Variants in SLC7A4 observed in about 807,000 individuals in gnomAD.
SLC7A4 encodes the protein cationic amino acid transporter 4.
A neutral mutation model predicts 37.8 loss-of-function variants in SLC7A4; 30 were observed. The observed-to-expected ratio is 0.79, with a 90% CI of 0.59 to 1.08. The LOEUF is 1.08. Ranked by LOEUF, SLC7A4 falls within the 50% of genes least tolerant of loss-of-function variation. The probability of loss-of-function intolerance (pLI) is 0.00; values close to 1 mark genes in which losing one functional copy is unlikely to be tolerated. For missense variants in SLC7A4, 839 were observed against 843.2 expected (o/e 1.00, Z 0.06); for synonymous variants, 359 against 376.5 (o/e 0.95, Z 0.54).
rs1412119507 is a variant in SLC7A4 at position 21,029,902 on chromosome 22, C to T, written c.1432G>A (p.Val478Met). ...AACATAACGCCAAGCGCCCAAGTCACCACTGCTCCAGGGCTGTACCCATCC... is the reference window on the plus strand; with the variant it reads ...AACATAACGCCAAGCGCCCAAGTCATCACTGCTCCAGGGCTGTACCCATCC... Reference protein sequence around the residue: ...FLDGYSPGAVVTWALGVMLAS... With the variant: ...FLDGYSPGAVMTWALGVMLAS... Residue 478 changes from valine (V) to methionine (M), a missense_variant, in exon 3 of 5, where the codon GTG becomes ATG. By Grantham distance (21) the Val-to-Met change is conservative (BLOSUM62 1). Coordinates refer to ENST00000382932, the MANE Select transcript of SLC7A4 (RefSeq NM_004173.3). The T allele has an allele frequency of 1.2e-6, 2 of 1,613,810 alleles. No homozygotes were observed. The highest frequency in any genetic ancestry group is 1.7e-5 in the Admixed American group (1 of 60,008).
chr22:21,029,414 T>C lies in SLC7A4; in HGVS notation c.1654A>G (p.Ser552Gly), dbSNP rs766755026. 1.2e-6 allele frequency: 2 copies of C among 1,613,528 alleles called. No individual in the cohort carries two copies. Among genetic ancestry groups the C allele is most frequent in the Admixed American group, 1.7e-5 (1 of 60,026 alleles). The change falls in exon 4 of 5, where the codon AGC becomes GGC. Residue 552 changes from serine (S) to glycine (G), a missense_variant. Ser to Gly is a moderately conservative substitution (Grantham distance 56). Transcript: ENST00000382932. ...IPMVPLIPAL[S>G]IVLNICLMLK... The stretch of plus-strand genomic sequence containing the variant: ...ATGAGGCAGATGTTGAGGACGATGC[T>C]CAGGGCTGGAATCAGGGGAACCATG...
intron 2 of SLC7A4, 109 bp from the exon 3 acceptor site, chr22:21,030,460 C>T (rs1928849494): frequency 8.8e-7 from 1 of 1,132,026 alleles, no homozygotes; most frequent in South Asian, 1.6e-5. Flanking sequence ...ATGAGCTTGT[C>T]TGGGCTCTCA....
rs370519763 is a variant in SLC7A4 at position 21,031,012 on chromosome 22, A to T, written c.801T>A (p.Ser267=). 102 of 1,614,140 alleles carry T rather than the reference A, an allele frequency of 6.3e-5. No individual in the cohort carries two copies. The highest frequency in any genetic ancestry group is 8.1e-5 in the Non-Finnish European group (95 of 1,180,002). The change falls in exon 2 of 5, where the codon TCT becomes TCA. Residue 267 remains serine (S), a synonymous_variant. Coordinates refer to ENST00000382932, the MANE Select transcript of SLC7A4 (RefSeq NM_004173.3). ...GCGAGATGGCGATGGCCAGAGGCAC[A>T]GACCGCCGTGGGTTCTGGGCCTCCT... ...SSEEAQNPRR[S]VPLAIAISLA... is the part of the protein sequence containing the mutation.
chr22:21,031,521 GTGGC>G lies in SLC7A4; in HGVS notation c.288_291del (p.Pro97AlafsTer193). 1.9e-6 allele frequency: 3 copies of G among 1,610,446 alleles called. No individual in the cohort carries two copies. Among genetic ancestry groups the G allele is most frequent in the Non-Finnish European group, 2.5e-6 (3 of 1,179,002 alleles). ...GTGAACAGGTAGGCAGAGCCCGTGC[GTGGC>G]ACACGTGCCCCAAATTCTGCATAGC... On this transcript the variant is annotated frameshift_variant, in exon 2 of 5. Coordinates refer to ENST00000382932, the MANE Select transcript of SLC7A4 (RefSeq NM_004173.3). LOFTEE classifies it high-confidence loss of function.
At position 21,029,221 on chromosome 22, in the gene SLC7A4, A is replaced by G. The variant is rs770185849; in HGVS notation, c.1742T>C (p.Val581Ala). 6.2e-7 allele frequency: 1 copy of G among 1,613,754 alleles called. No homozygotes were observed. Among genetic ancestry groups the G allele is most frequent in the African/African-American group, 1.3e-5 (1 of 75,050 alleles). The stretch of plus-strand genomic sequence containing the variant: ...ATGCCGGATGCCATAGCCGAAATAC[A>G]CTGCAAGTCCTAGACAGGGCAGGAG... ...FSIWLLMGLA[V>A]YFGYGIRHSK... The change falls in exon 5 of 5, where the codon GTG becomes GCG. Residue 581 changes from valine (V) to alanine (A), a missense_variant. Transcript: ENST00000382932.
chr22:21,030,419 G>A (rs1481320751), intron 2 of SLC7A4, 68 bp from the exon 3 acceptor site: 11 of 1,479,988 alleles, frequency 7.4e-6, no homozygotes, highest in Middle Eastern at 2.5e-4. Context: ...GCTGGGGGTC[G>A]GTGCATGGGT....
chr22:21,029,235 A>G lies in SLC7A4; in HGVS notation c.1733-5T>C. 1 of 1,613,654 alleles carries G rather than the reference A, an allele frequency of 6.2e-7. No homozygotes were observed. The highest frequency in any genetic ancestry group is 1.6e-4 in the Middle Eastern group (1 of 6,062). On this transcript the variant is annotated splice_polypyrimidine_tract_variant and splice_region_variant and intron_variant, in intron 4 of 4. Transcript: ENST00000382932. The stretch of plus-strand genomic sequence containing the variant: ...AGCCGAAATACACTGCAAGTCCTAG[A>G]CAGGGCAGGAGGCAGGGCATGAGCC...
intron 1 of SLC7A4, 36 bp from the exon 2 acceptor site, chr22:21,031,888 C>T: frequency 7.2e-7 from 1 of 1,395,066 alleles, no homozygotes; most frequent in Non-Finnish European, 9.3e-7. Flanking sequence ...GGATGCGTAG[C>T]CGGGGCCTGA....
At chr22:21,029,536 T>A in intron 3 of SLC7A4, 92 bp from the exon 4 acceptor site, 1 of 1,239,702 alleles carries the variant, frequency 8.1e-7, no homozygotes, top group Non-Finnish European at 1.2e-6. Flanking sequence ...ATAGAGCCTT[T>A]GTTCCTCACG....
At position 21,031,869 on chromosome 22, in the gene SLC7A4, G is replaced by A. The variant is rs1928898940; in HGVS notation, c.-40-17C>T. Reference sequence around the variant, plus strand: ...TACTGGAACCTGCTAGGGCCAGAGGGGAATGACAGGATGCGTAGCCGGGGC... The same window carrying A: ...TACTGGAACCTGCTAGGGCCAGAGGAGAATGACAGGATGCGTAGCCGGGGC... On this transcript the variant is annotated splice_polypyrimidine_tract_variant and intron_variant, in intron 1 of 4. Coordinates refer to ENST00000382932, the MANE Select transcript of SLC7A4 (RefSeq NM_004173.3). The A allele has an allele frequency of 1.2e-5, 17 of 1,433,588 alleles. No individual in the cohort carries two copies. The highest frequency in any genetic ancestry group is 1.5e-5 in the Non-Finnish European group (16 of 1,096,346). 88.8% of individuals were successfully genotyped at this position (1,433,588 alleles called of 1,614,324 possible).
chr22:21,030,458 G>GT, intron 2 of SLC7A4, 107 bp from the exon 3 acceptor site: 3 of 1,152,894 alleles, frequency 2.6e-6, no homozygotes, highest in Non-Finnish European at 3.7e-6. Context: ...GCATGAGCTT[G>GT]TCTGGGCTCT....
In SLC7A4 at chr22:21,029,779, C is replaced by T. The variant is rs1356686811; in HGVS notation, c.1555G>A (p.Val519Ile). The stretch of plus-strand genomic sequence containing the variant: ...ACAAGGAGGCTGAGCAGAAACATGA[C>T]ACTGGTGAGCAGGAGCAGCAGGATG... ...GYILLLLLTS[V>I]MFLLSLLVLG... Residue 519 changes from valine (V) to isoleucine (I), a missense_variant, in exon 3 of 5, where the codon GTC (valine) becomes ATC (isoleucine). Val to Ile is a conservative substitution (Grantham distance 29). Transcript: ENST00000382932. 2 of 1,613,404 alleles carry T rather than the reference C, an allele frequency of 1.2e-6. No individual in the cohort carries two copies. Among genetic ancestry groups the T allele is most frequent in the Non-Finnish European group, 1.7e-6 (2 of 1,180,000 alleles).
At chr22:21,029,466 A>G in intron 3 of SLC7A4, 22 bp from the exon 4 acceptor site, 1 of 1,566,622 alleles carries the variant, frequency 6.4e-7, no homozygotes, top group South Asian at 1.1e-5. Context: ...GAGGCAGGGC[A>G]GGGCTGGGCC....
Position 21,031,618 on chromosome 22 carries a change from C to G in SLC7A4, c.195G>C (p.Glu65Asp). ...LYVLTGAVAK[E>D]VAGPAVLLSF... ...ACAAGAGCACAGCAGGGCCAGCCAC[C>G]TCCTTGGCCACGGCACCTGTGAGCA... The change falls in exon 2 of 5, where the codon GAG becomes GAC. Residue 65 changes from glutamate (E) to aspartate (D), a missense_variant. By Grantham distance (45) the Glu-to-Asp change is conservative. Transcript: ENST00000382932. The G allele has an allele frequency of 6.2e-7, 1 of 1,607,888 alleles. No homozygotes were observed. The highest frequency in any genetic ancestry group is 1.1e-5 in the South Asian group (1 of 90,486).
In SLC7A4 at chr22:21,031,120, G is replaced by C. The variant is rs905789834; in HGVS notation, c.693C>G (p.Pro231=). 3 of 1,613,782 alleles carry C rather than the reference G, an allele frequency of 1.9e-6. No individual in the cohort carries two copies. In the African/African-American group the frequency reaches 4.0e-5, roughly 22 times the overall value. The change falls in exon 2 of 5, where the codon CCC becomes CCG. Residue 231 remains proline, a synonymous_variant. Coordinates refer to ENST00000382932, the MANE Select transcript of SLC7A4 (RefSeq NM_004173.3). The part of the protein sequence containing the change: ...NWSADEGGFA[P]FGFSGVMAGT... ...CGGCCATGACGCCGGAGAAGCCGAA[G>C]GGTGCAAAGCCGCCTTCGTCAGCGC...
At position 21,028,876 on chromosome 22, in the gene SLC7A4, C is replaced by A; in HGVS notation, c.*179G>T. ...TCCATGGCACCAGCACCAGCCAAGG[C>A]CCACTCCTGAAGACCCGAAGCCCAG... On this transcript the variant is annotated 3_prime_UTR_variant, in exon 5 of 5. Transcript: ENST00000382932. 1.7e-6 allele frequency: 1 copy of A among 593,552 alleles called. No individual in the cohort carries two copies. The highest frequency in any genetic ancestry group is 2.9e-6 in the Non-Finnish European group (1 of 343,184). 36.8% of individuals were successfully genotyped at this position (593,552 alleles called of 1,614,324 possible). A position where few individuals can be genotyped will look rare whatever the true frequency, so the allele number is the denominator to read the frequency against.
chr22:21,030,155 G>A lies in SLC7A4; in HGVS notation c.1179C>T (p.Phe393=), dbSNP rs373058171. 4 of 1,612,824 alleles carry A rather than the reference G, an allele frequency of 2.5e-6. No homozygotes were observed. Among genetic ancestry groups the A allele is most frequent in the Admixed American group, 1.7e-5 (1 of 60,000 alleles). The part of the protein sequence containing the change: ...LLLDLESLVQ[F]LSLGTLLAYT... ...AGGCCAGGAGTGTGCCAAGGGACAGGAACTGAACCAGCGACTCCAGGTCCA... is the reference window on the plus strand; with the variant it reads ...AGGCCAGGAGTGTGCCAAGGGACAGAAACTGAACCAGCGACTCCAGGTCCA... The change falls in exon 3 of 5, where the codon TTC becomes TTT. Residue 393 remains phenylalanine, a synonymous_variant. Coordinates refer to ENST00000382932, the MANE Select transcript of SLC7A4 (RefSeq NM_004173.3).
rs770025900 is a variant in SLC7A4, at chr22:21,029,152, T to C, written c.1811A>G (p.His604Arg). 3 of 1,613,990 alleles carry C rather than the reference T, an allele frequency of 1.9e-6. No homozygotes were observed. The highest frequency in any genetic ancestry group is 2.2e-5 in the South Asian group (2 of 91,088). Reference sequence around the variant, plus strand: ...GCTGCCCCTGGGGAATACCACGTAGTGTGTGGAGTTCAGCCCTGGCAGCTC... The same window carrying C: ...GCTGCCCCTGGGGAATACCACGTAGCGTGTGGAGTTCAGCCCTGGCAGCTC... ...QRELPGLNST[H>R]YVVFPRGSLE... The change falls in exon 5 of 5, where the codon CAC becomes CGC. Residue 604 changes from histidine to arginine, a missense_variant. Transcript: ENST00000382932.
In SLC7A4 at chr22:21,028,976, A is replaced by T. The variant is rs1480477936; in HGVS notation, c.*79T>A. 6.8e-7 allele frequency: 1 copy of T among 1,460,602 alleles called. No homozygotes were observed. Among genetic ancestry groups the T allele is most frequent in the Non-Finnish European group, 9.1e-7 (1 of 1,093,084 alleles). 90.5% of individuals were successfully genotyped at this position (1,460,602 alleles called of 1,614,324 possible). The stretch of plus-strand genomic sequence containing the variant: ...CCTGCAAACCCAGGCTGCCCACAAC[A>T]GAAGGGGCTCTCGGCTTGTCTGGCC... On this transcript the variant is annotated 3_prime_UTR_variant, in exon 5 of 5. Coordinates refer to ENST00000382932, the MANE Select transcript of SLC7A4 (RefSeq NM_004173.3).
Sources: allele counts gnomAD v4.1 joint callset, GRCh38; gene constraint gnomAD v4.1.1; transcripts MANE v1.5; gene names NCBI Gene and HGNC (gene_info 2026-07-23, HGNC 2026-07-21).